POP4: variants seen among roughly 807,000 people sequenced by gnomAD.
POP4 encodes ribonuclease P protein subunit p29.
Under a neutral mutation model 29.9 loss-of-function variants are expected in POP4, and 31 were observed. The ratio of observed to expected loss-of-function variants is 1.04; its 90% CI spans 0.78 to 1.40. The LOEUF (loss-of-function observed/expected upper bound fraction) is 1.40. POP4 is among the 40% of genes most tolerant of loss of function. The probability of loss-of-function intolerance (pLI) is 0.00; values close to 1 mark genes in which losing one functional copy is unlikely to be tolerated. For synonymous variants in POP4, 110 were observed against 108.2 expected (o/e 1.02, Z -0.10); for missense variants, 286 against 282.7 (o/e 1.01, Z -0.08).
Position 29,615,475 on chromosome 19 carries a change from C to T in POP4, c.*95C>T. ...AGTGAAGAGATAGTTAAGCCAATTC[C>T]ATTTATAGACCACCTCCAGCCAGTG... On this transcript the variant is annotated 3_prime_UTR_variant, in exon 7 of 7. Transcript: ENST00000585603. 7.3e-7 allele frequency: 1 copy of T among 1,377,042 alleles called. No homozygotes were observed. 85.3% of individuals were successfully genotyped at this position (1,377,042 alleles called of 1,614,324 possible).
intron 5 of POP4, among the ~76,000 whole-genome samples, chr19:29,612,680 A>G (rs1971084652): frequency 6.6e-6 from 1 of 152,194 alleles, no homozygotes; most frequent in Non-Finnish European, 1.5e-5. Flanking sequence ...GATTCTCCTC[A>G]CAGCAACCCC....
In POP4 at chr19:29,613,775, G is replaced by T; in HGVS notation, c.425-96G>T. 3 of 1,511,340 alleles carry T rather than the reference G, an allele frequency of 2.0e-6. No individual in the cohort carries two copies. The South Asian group carries it at 4.1e-5, about 21-fold the overall frequency. The allele number at this position is 1,511,340 out of a possible 1,614,324, so 93.6% of individuals were successfully genotyped here. On this transcript the variant is annotated intron_variant, in intron 5 of 6. Transcript: ENST00000585603. The stretch of plus-strand genomic sequence containing the variant: ...TGTTCTTTCATCTGCTAGCTCAGAG[G>T]GTGGGATCAGCACCCCCAACCCCTG...
At chr19:29,609,985 A>T (rs914827193) in intron 2 of POP4, among the ~76,000 whole-genome samples, 1 of 152,114 alleles carries the variant, frequency 6.6e-6, no homozygotes, top group African/African-American at 2.4e-5. Context: ...TGTTAGGATC[A>T]CTTCCTCCAT....
chr19:29,612,557 C>G (rs1453325354), intron 5 of POP4, among the ~76,000 whole-genome samples: 2 of 152,172 alleles, frequency 1.3e-5, no homozygotes, highest in African/African-American at 4.8e-5. Context: ...GGTGACATCT[C>G]CAGCGTAGGC....
At chr19:29,607,021 G>A (rs867593978) in intron 1 of POP4, among the ~76,000 whole-genome samples, 7 of 152,170 alleles carry the variant, frequency 4.6e-5, no homozygotes, top group Admixed American at 2.0e-4. Context: ...TGTAACAGAT[G>A]AAGCAAAGTT....
intron 6 of POP4, 79 bp from the exon 7 acceptor site, chr19:29,615,165 T>G: frequency 7.1e-7 from 1 of 1,410,568 alleles, no homozygotes; most frequent in Non-Finnish European, 9.4e-7. Context: ...TTCTGAATAA[T>G]ATTCTACCTA....
intron 5 of POP4, among the ~76,000 whole-genome samples, chr19:29,612,469 G>A (rs904928857): frequency 4.6e-5 from 7 of 152,100 alleles, no homozygotes; most frequent in African/African-American, 1.7e-4. Context: ...ACTCACCCAC[G>A]GCCTGGGATC....
In POP4 at chr19:29,611,921, G is replaced by C. The variant is rs774910255; in HGVS notation, c.344G>C (p.Ser115Thr). 3 of 1,614,144 alleles carry C rather than the reference G, an allele frequency of 1.9e-6. No individual in the cohort carries two copies. The Admixed American group carries it at 5.0e-5, about 27-fold the overall frequency. ...LWKQYIRDLCSGLKPDTQPQM... is the reference protein window; with the variant it reads ...LWKQYIRDLCTGLKPDTQPQM... ...AAACAGTACATCAGGGACCTGTGCA[G>C]TGGGCTCAAGCCAGACACGTAAGTT... Residue 115 changes from serine (S) to threonine (T), a missense_variant, in exon 4 of 7, where the codon AGT (serine) becomes ACT (threonine). Transcript: ENST00000585603.
At chr19:29,613,508 G>T (rs1971095604) in intron 5 of POP4, among the ~76,000 whole-genome samples, 2 of 152,234 alleles carry the variant, frequency 1.3e-5, no homozygotes. Flanking sequence ...GCATGGTGGT[G>T]TTTGTGCAGA....
intron 5 of POP4, chr19:29,613,114 G>A (rs1189914164): frequency 6.5e-6 from 1 of 152,748 alleles, no homozygotes; most frequent in African/African-American, 2.4e-5. Context: ...GCTTCTCATT[G>A]TTCAGCCCTG....
chr19:29,615,223 C>CTT lies in POP4; in HGVS notation c.527-5_527-4dup, dbSNP rs72228837. 1,249 of 1,321,998 alleles carry CTT rather than the reference C, an allele frequency of 9.4e-4. 1 individual carries two copies. Among genetic ancestry groups the CTT allele is most frequent in the South Asian group, 3.5e-3 (211 of 61,012 alleles). The allele number at this position is 1,321,998 out of a possible 1,614,324, so 81.9% of individuals were successfully genotyped here. ...TTTTCCTCATCTTTTTTTCTCCTGC[C>CTT]TTTTTTTTTTTTTTTTTCAGTTATC... On this transcript the variant is annotated intron_variant, in intron 6 of 6. Coordinates refer to ENST00000585603, the MANE Select transcript of POP4 (RefSeq NM_006627.3).
intron 3 of POP4, 148 bp from the exon 4 acceptor site, chr19:29,611,714 G>A (rs1328745414): frequency 1.5e-6 from 1 of 663,306 alleles, no homozygotes. Context: ...TCGGTTATCA[G>A]CTCAATTGCT....
In POP4 at chr19:29,606,313, C is replaced by A; in HGVS notation, c.-6C>A. The stretch of plus-strand genomic sequence containing the variant: ...GTCATCAGAGAGCGCCGGAAGCGGT[C>A]CGAGAATGAAGAGTAAGCGGGGCCG... On this transcript the variant is annotated 5_prime_UTR_variant, in exon 1 of 7. Coordinates refer to ENST00000585603, the MANE Select transcript of POP4 (RefSeq NM_006627.3). 1 of 1,605,604 alleles carries A rather than the reference C, an allele frequency of 6.2e-7. No individual in the cohort carries two copies. The highest frequency in any genetic ancestry group is 1.1e-5 in the South Asian group (1 of 90,040).
chr19:29,608,223 TAAGTGTAG>T (rs59605666), intron 1 of POP4, among the ~76,000 whole-genome samples: 62,525 of 147,720 alleles, frequency 0.42, 13,587 homozygotes, highest in East Asian at 0.61. Context: ...TGTTCTGCTA[TAAGTGTAG>T]AAGTGTAGTT....
chr19:29,610,340 C>CGGGATGCCT, intron 2 of POP4, 69 bp from the exon 3 acceptor site: 1 of 1,391,902 alleles, frequency 7.2e-7, no homozygotes, highest in Non-Finnish European at 9.6e-7. Context: ...GAATGGCGGG[C>CGGGATGCCT]GGGATGCCTG....
chr19:29,608,198 C>A (rs1404363920), intron 1 of POP4, among the ~76,000 whole-genome samples: 1 of 150,840 alleles, frequency 6.6e-6, no homozygotes, highest in East Asian at 1.9e-4. Flanking sequence ...CTTCTCCTAT[C>A]TCTGAATAAG....
chr19:29,608,329 C>T lies in POP4; in HGVS notation c.8-328C>T, dbSNP rs542605951. Among the ~76,000 whole-genome samples the T allele has an allele frequency of 1.1e-3, 151 of 138,572 alleles. 2 individuals are homozygous for T. The highest frequency in any genetic ancestry group is 1.3e-3 in the Non-Finnish European group (84 of 66,362). The allele number at this position is 138,572 out of a possible 152,430, so 90.9% of individuals were successfully genotyped here. On this transcript the variant is annotated intron_variant, in intron 1 of 6. Transcript: ENST00000585603. ...TCACCCAGGCTGGAGTGCAATGGCA[C>T]GATCTTGGCGCATTGCAGCCTCTGC...
chr19:29,606,296 A>C lies in POP4; in HGVS notation c.-23A>C. On this transcript the variant is annotated 5_prime_UTR_variant, in exon 1 of 7. Coordinates refer to ENST00000585603, the MANE Select transcript of POP4 (RefSeq NM_006627.3). ...ACAGCAGCTGCCAGTGCGTCATCAG[A>C]GAGCGCCGGAAGCGGTCCGAGAATG... is the stretch of plus-strand genomic sequence containing the variant. The C allele has an allele frequency of 6.2e-7, 1 of 1,601,962 alleles. No homozygotes were observed. The highest frequency in any genetic ancestry group is 8.5e-7 in the Non-Finnish European group (1 of 1,174,846).
At chr19:29,614,050 A>C in intron 6 of POP4, 78 bp downstream of exon 6, 1 of 1,537,380 alleles carries the variant, frequency 6.5e-7, no homozygotes, top group Non-Finnish European at 8.7e-7. Context: ...TCAAGGCTCC[A>C]AGAGTTTGAT....
Sources: gnomAD v4.1 joint callset for allele counts (sites outside exome capture counted in the v4.1 genomes callset) on GRCh38, gnomAD v4.1.1 for gene constraint, MANE v1.5 for transcripts, NCBI Gene and HGNC (gene_info 2026-07-23, HGNC 2026-07-21) for gene names.